The following NR1D2 variants were observed in gnomAD, a reference collection of about 807,000 sequenced individuals.
NR1D2 encodes the protein V-erbA-related protein 1-related.
NR1D2 carries 25 observed loss-of-function variants against 52.2 expected under a neutral mutation model. The ratio of observed to expected loss-of-function variants is 0.48; its 90% CI spans 0.35 to 0.67. The LOEUF (loss-of-function observed/expected upper bound fraction) is 0.67. Among genes scored for constraint, NR1D2 ranks in the 30% least tolerant of loss-of-function variants. NR1D2 has a pLI of 0.01. For synonymous variants in NR1D2, 259 were observed against 230.1 expected, an observed-to-expected ratio of 1.13 and a Z score of -1.14; for missense variants, 681 against 707.2, an observed-to-expected ratio of 0.96 and a Z score of 0.42.
At chr3:23,977,130 CGTTA>C in intron 7 of NR1D2, 89 bp from the exon 8 acceptor site, 1 of 683,722 alleles carries the variant, frequency 1.5e-6, no homozygotes, top group Non-Finnish European at 2.2e-6. Flanking sequence ...GCTTTCTATT[CGTTA>C]GTGACACTGA....
intron 1 of NR1D2, chr3:23,946,118 AT>A (rs1385107638): frequency 1.0e-6 from 1 of 983,678 alleles, no homozygotes; most frequent in African/African-American, 1.8e-5. Flanking sequence ...CGTCGCCGCG[AT>A]TCCCTCCTCC....
chr3:23,965,019 T>C lies in NR1D2; in HGVS notation c.1189T>C (p.Ser397Pro). The change falls in exon 6 of 8, where the codon TCA becomes CCA. Residue 397 changes from serine (S) to proline (P), a missense_variant. This residue lies in a region of NR1D2 where 475 missense variants were observed against 454.5 expected (regional missense o/e 1.05). Coordinates refer to ENST00000312521, the MANE Select transcript of NR1D2 (RefSeq NM_005126.5). The part of the protein sequence containing the change: ...SKSPYVDPHK[S>P]GHEIWEEFSM... ...GTCTCCATATGTGGATCCTCATAAA[T>C]CAGGACATGAAATCTGGGAAGAATT... The C allele has an allele frequency of 6.2e-7, 1 of 1,613,816 alleles. No homozygotes were observed. Among genetic ancestry groups the C allele is most frequent in the South Asian group, 1.1e-5 (1 of 91,070 alleles).
At chr3:23,950,890 CTCTTTCTTTTTCTTTTTT>C (rs1271245044) in intron 1 of NR1D2, among the ~76,000 whole-genome samples, 31 of 137,434 alleles carry the variant, frequency 2.3e-4, no homozygotes, top group African/African-American at 8.4e-4. Flanking sequence ...CTTTTCTTTT[CTCTTTCTTTTTCTTTTTT>C]TTTTTTTTTT....
At chr3:23,945,778 C>T (rs1031063475) in intron 1 of NR1D2, among the ~76,000 whole-genome samples, 184 bp downstream of exon 1, 19 of 150,436 alleles carry the variant, frequency 1.3e-4, no homozygotes, top group Non-Finnish European at 2.2e-4. Flanking sequence ...CGCCCGCCCT[C>T]TTGTCTCCCT....
chr3:23,956,133 A>C lies in NR1D2; in HGVS notation c.372+8A>C. On this transcript the variant is annotated splice_region_variant and intron_variant, in intron 3 of 7. Transcript: ENST00000312521. ...GCTTGCGAAGGCTGTAAGGTAAAGC[A>C]TGCTTTTGTTTCTTTAAGCTACTGA... The C allele has an allele frequency of 6.2e-7, 1 of 1,608,980 alleles. No homozygotes were observed. Among genetic ancestry groups the C allele is most frequent in the Non-Finnish European group, 8.5e-7 (1 of 1,175,454 alleles).
intron 3 of NR1D2, 91 bp from the exon 4 acceptor site, chr3:23,959,580 T>C: frequency 8.2e-7 from 1 of 1,224,638 alleles, no homozygotes; most frequent in African/African-American, 1.5e-5. Flanking sequence ...CTGTAGTTCG[T>C]CATATACACT....
chr3:23,961,389 CTTTT>C (rs869108010), intron 4 of NR1D2, among the ~76,000 whole-genome samples: 7 of 76,014 alleles, frequency 9.2e-5, no homozygotes, highest in African/African-American at 3.2e-4. Context: ...CTTTTTCTTT[CTTTT>C]TTTTTTTTTT....
At chr3:23,963,245 A>G (rs768332688) in intron 5 of NR1D2, 51 of 1,351,368 alleles carry the variant, frequency 3.8e-5, no homozygotes, top group Non-Finnish European at 4.8e-5. Context: ...TATTCAGCCA[A>G]AATTTCACCA....
At chr3:23,949,288 C>T (rs1007373484) in intron 1 of NR1D2, among the ~76,000 whole-genome samples, 15 of 151,754 alleles carry the variant, frequency 9.9e-5, no homozygotes, top group Non-Finnish European at 1.5e-4. Flanking sequence ...TCGCTTGAAC[C>T]GAGGAGGCGG....
chr3:23,946,904 A>G (rs1705744227), intron 1 of NR1D2, among the ~76,000 whole-genome samples: 2 of 152,178 alleles, frequency 1.3e-5, no homozygotes, highest in Non-Finnish European at 2.9e-5. Context: ...CTTTTGTTTT[A>G]TTTTTTGAGT....
chr3:23,972,776 A>G (rs750911236), intron 7 of NR1D2, among the ~76,000 whole-genome samples: 2 of 152,196 alleles, frequency 1.3e-5, no homozygotes, highest in African/African-American at 4.8e-5. Context: ...CCACTTCAAC[A>G]TGTGTACTCT....
intron 6 of NR1D2, 141 bp downstream of exon 6, chr3:23,965,303 G>A (rs149294224): frequency 9.8e-6 from 6 of 612,734 alleles, no homozygotes; most frequent in African/African-American, 8.0e-5. Context: ...GCAGCAGCGC[G>A]ATCATAGCTC....
chr3:23,969,724 G>A (rs1028606427), intron 7 of NR1D2, among the ~76,000 whole-genome samples: 1 of 152,208 alleles, frequency 6.6e-6, no homozygotes, highest in Non-Finnish European at 1.5e-5. Flanking sequence ...TTGGAGAGAT[G>A]AAACTACACA....
At chr3:23,957,390 CTTTTTTTT>C (rs201651739) in intron 3 of NR1D2, among the ~76,000 whole-genome samples, 93 of 110,536 alleles carry the variant, frequency 8.4e-4, no homozygotes, top group South Asian at 9.2e-4. Context: ...CTCTATATAT[CTTTTTTTT>C]TTTTTTTTTT....
At chr3:23,965,930 A>G (rs1399959337) in intron 6 of NR1D2, among the ~76,000 whole-genome samples, 3 of 152,184 alleles carry the variant, frequency 2.0e-5, no homozygotes, top group Non-Finnish European at 2.9e-5. Context: ...CTTATGTGCC[A>G]CCTTAGCTCT....
At chr3:23,952,023 C>T (rs1705947261) in intron 1 of NR1D2, among the ~76,000 whole-genome samples, 1 of 152,168 alleles carries the variant, frequency 6.6e-6, no homozygotes, top group African/African-American at 2.4e-5. Flanking sequence ...TGGCAGTGTT[C>T]TTCAAACTTG....
intron 6 of NR1D2, among the ~76,000 whole-genome samples, chr3:23,966,203 A>G (rs1469127868): frequency 1.3e-5 from 2 of 152,242 alleles, no homozygotes; most frequent in African/African-American, 4.8e-5. Context: ...GGTGGGCCAA[A>G]TCTTTGAACC....
intron 7 of NR1D2, 71 bp from the exon 8 acceptor site, chr3:23,977,152 G>T (rs992875442): frequency 6.7e-6 from 6 of 899,644 alleles, no homozygotes; most frequent in Admixed American, 3.6e-5. Flanking sequence ...TGATAAGCAA[G>T]AATTTTATTT....
chr3:23,966,307 G>T (rs1706449612), intron 6 of NR1D2, among the ~76,000 whole-genome samples: 1 of 152,148 alleles, frequency 6.6e-6, no homozygotes, highest in Non-Finnish European at 1.5e-5. Flanking sequence ...TAATATAATT[G>T]TTAACCGATT....
Sources: allele counts gnomAD v4.1 joint callset (sites outside exome capture counted in the v4.1 genomes callset), GRCh38; gene constraint gnomAD v4.1.1; regional missense constraint gnomAD v4.1.1; transcripts MANE v1.5; gene names NCBI Gene and HGNC (gene_info 2026-07-23, HGNC 2026-07-21).